Variants in HTATSF1 observed in about 807,000 individuals in gnomAD.
The protein encoded by HTATSF1 is 17S U2 SnRNP complex component HTATSF1.
HTATSF1 carries 6 observed loss-of-function variants against 46.1 expected under a neutral mutation model. The observed-to-expected ratio is 0.13, with a 90% CI of 0.07 to 0.26. The LOEUF (loss-of-function observed/expected upper bound fraction) is 0.26, where lower values mean the gene tolerates loss of function less well. Among genes scored for constraint, HTATSF1 ranks in the 10% least tolerant of loss-of-function variants. The pLI is 1.00. For synonymous variants in HTATSF1, 226 were observed against 211.5 expected (o/e 1.07, Z -0.60); for missense variants, 452 against 559.9 (o/e 0.81, Z 1.94).
intron 4 of HTATSF1, among the ~76,000 whole-genome samples, chrX:136,501,045 G>A (rs930040479): frequency 1.8e-5 from 2 of 112,290 alleles, no homozygotes; most frequent in African/African-American, 6.5e-5. Context: ...CGACTGGAGT[G>A]CTTCTTCTGT....
chrX:136,510,709 C>G, intron 8 of HTATSF1, 99 bp from the exon 9 acceptor site: 1 of 912,461 alleles, frequency 1.1e-6, no homozygotes, highest in Non-Finnish European at 1.5e-6. Context: ...ATAAGAGATG[C>G]TTTATAAAAT....
chrX:136,497,295 G>C (rs868164405), upstream of HTATSF1: 2,414 of 113,071 alleles, frequency 0.021, 113 homozygotes, highest in Admixed American at 0.16. Flanking sequence ...TAGTTTAGAA[G>C]TAATTTCCTG....
intron 6 of HTATSF1, 130 bp from the exon 7 acceptor site, chrX:136,508,961 A>G (rs1285743902): frequency 6.2e-6 from 3 of 482,235 alleles, no homozygotes; most frequent in East Asian, 3.7e-5. Context: ...AAAAAATTGT[A>G]TAGAATGAAA....
In HTATSF1 at chrX:136,500,836, A is replaced by C; in HGVS notation, c.570+18A>C. 9.4e-7 allele frequency: 1 copy of C among 1,062,036 alleles called. No homozygotes were observed. The highest frequency in any genetic ancestry group is 1.2e-6 in the Non-Finnish European group (1 of 808,843). The allele number at this position is 1,062,036 out of a possible 1,213,427, so 87.5% of individuals were successfully genotyped here. On this transcript the variant is annotated intron_variant, in intron 4 of 8. Coordinates refer to ENST00000218364, the MANE Select transcript of HTATSF1 (RefSeq NM_014500.5). ...ATTTGAAAGTAAGTTGTATGATCAA[A>C]TAAGTTTCTTGTATCTTCGTTTTTA...
intron 5 of HTATSF1, among the ~76,000 whole-genome samples, chrX:136,504,027 C>T (rs1255179325): frequency 3.6e-5 from 4 of 110,740 alleles, no homozygotes; most frequent in African/African-American, 9.9e-5. Context: ...TGCACCACCA[C>T]GCCTGGCTGA....
At chrX:136,498,779 T>A (rs1190533100) in intron 1 of HTATSF1, among the ~76,000 whole-genome samples, 1 of 112,912 alleles carries the variant, frequency 8.9e-6, no homozygotes, top group East Asian at 2.7e-4. Flanking sequence ...TTCAGCATTC[T>A]GAATACTTTT....
chrX:136,501,294 G>A (rs1387375200), intron 4 of HTATSF1, among the ~76,000 whole-genome samples: 1 of 112,490 alleles, frequency 8.9e-6, no homozygotes, highest in Non-Finnish European at 1.9e-5. Context: ...TGATAGGGTT[G>A]AGTGGTTGCA....
rs188167229 is a variant in HTATSF1, at chrX:136,511,427, C to T, written c.1682C>T (p.Ser561Phe). The T allele has an allele frequency of 5.0e-6, 6 of 1,208,864 alleles. No individual in the cohort carries two copies. In the African/African-American group the frequency reaches 8.8e-5, roughly 18 times the overall value. Residue 561 changes from serine to phenylalanine, a missense_variant, in exon 9 of 9, where the codon TCC (serine) becomes TTC (phenylalanine). Ser to Phe is a radical substitution (Grantham distance 155). Transcript: ENST00000218364. ...DCSEKQSEDG[S>F]EREFEENGLE... ...TCTGAAAAACAGTCTGAAGATGGCT[C>T]CGAAAGAGAATTTGAAGAAAATGGT...
Position 136,512,325 on chromosome X carries a change from G to C in HTATSF1, c.*312G>C, listed in dbSNP as rs1220392766. 3 of 184,287 alleles carry C rather than the reference G, an allele frequency of 1.6e-5. No individual in the cohort carries two copies. The highest frequency in any genetic ancestry group is 9.1e-5 in the African/African-American group (3 of 32,789). 15.2% of individuals were successfully genotyped at this position (184,287 alleles called of 1,213,427 possible). ...TGATATTCATCAATAAAAATGAGTT[G>C]ATAATATGCAGAAACTGAAAATTGG... On this transcript the variant is annotated 3_prime_UTR_variant, in exon 9 of 9. Transcript: ENST00000218364.
chrX:136,497,552 C>T, upstream of HTATSF1: 1 of 453,988 alleles, frequency 2.2e-6, no homozygotes, highest in Non-Finnish European at 3.5e-6. Flanking sequence ...ACTGCTGGGG[C>T]GCAGCGGGGA....
chrX:136,505,471 G>A (rs1240159602), intron 6 of HTATSF1, among the ~76,000 whole-genome samples: 2 of 111,978 alleles, frequency 1.8e-5, no homozygotes, highest in Non-Finnish European at 3.8e-5. Flanking sequence ...GAGATTGATT[G>A]ATATCTCTTC....
At chrX:136,498,950 C>T (rs1226227123) in intron 1 of HTATSF1, among the ~76,000 whole-genome samples, 4 of 113,075 alleles carry the variant, frequency 3.5e-5, no homozygotes, top group Non-Finnish European at 7.5e-5. Flanking sequence ...TGCAATAACG[C>T]TTTTCCCCCA....
Position 136,510,891 on chromosome X carries a change from T to C in HTATSF1, c.1146T>C (p.Leu382=). ...FLNAPEANRG[L]RRSDSVSASE... Reference sequence around the variant, plus strand: ...ATGCTCCTGAGGCCAACAGAGGCCTTAGGCGTTCAGATTCTGTCTCTGCTT... The same window carrying C: ...ATGCTCCTGAGGCCAACAGAGGCCTCAGGCGTTCAGATTCTGTCTCTGCTT... The change falls in exon 9 of 9, where the codon CTT becomes CTC. Residue 382 remains leucine (L), a synonymous_variant. Transcript: ENST00000218364. 1 of 1,210,545 alleles carries C rather than the reference T, an allele frequency of 8.3e-7. No individual in the cohort carries two copies. The highest frequency in any genetic ancestry group is 1.1e-6 in the Non-Finnish European group (1 of 894,512).
chrX:136,500,568 C>T, intron 3 of HTATSF1, 96 bp from the exon 4 acceptor site: 2 of 550,438 alleles, frequency 3.6e-6, no homozygotes, highest in Admixed American at 3.9e-5. Context: ...ATCAACATTG[C>T]ATTCACCTAA....
intron 2 of HTATSF1, 132 bp downstream of exon 2, chrX:136,499,910 G>A: frequency 1.9e-6 from 1 of 520,392 alleles, no homozygotes; most frequent in East Asian, 3.9e-5. Flanking sequence ...GGTAGTGTCA[G>A]TTATAAAGAA....
In HTATSF1 at chrX:136,497,642, C is replaced by G; in HGVS notation, c.-43C>G. ...TGCTCAGCTCCAGCGTCATTTCGGC[C>G]TCTTAGTTCTTCTGAACCCTGCTCC... On this transcript the variant is annotated 5_prime_UTR_variant, in exon 1 of 9. Transcript: ENST00000218364. 1 of 1,100,144 alleles carries G rather than the reference C, an allele frequency of 9.1e-7. No individual in the cohort carries two copies. The highest frequency in any genetic ancestry group is 2.2e-5 in the South Asian group (1 of 45,792). The allele number at this position is 1,100,144 out of a possible 1,213,427, so 90.7% of individuals were successfully genotyped here.
At chrX:136,506,624 G>T (rs1294221605) in intron 6 of HTATSF1, among the ~76,000 whole-genome samples, 2 of 112,773 alleles carry the variant, frequency 1.8e-5, no homozygotes, top group Non-Finnish European at 3.7e-5. Context: ...CTTTGCAAAT[G>T]AAAGCAAATT....
rs755717462 is a variant in HTATSF1, at chrX:136,507,747, T to C, written c.835-1344T>C. ...TAAAAGAGAGGTATTAGAAACAGTT[T>C]ATCAAATTCTTAAAAAGATTTTCTT... On this transcript the variant is annotated intron_variant, in intron 6 of 8. Transcript: ENST00000218364. Among the ~76,000 whole-genome samples the C allele has an allele frequency of 7.2e-5, 8 of 111,362 alleles. 1 individual carries two copies. The South Asian group carries it at 3.0e-3, about 42-fold the overall frequency.
upstream of HTATSF1, chrX:136,497,521 A>G (rs1456049935): frequency 1.3e-5 from 4 of 313,279 alleles, no homozygotes; most frequent in East Asian, 2.0e-4. Flanking sequence ...GCAGCCGCCG[A>G]GCGGCCGCGA....
Sources: gnomAD v4.1 joint callset for allele counts (sites outside exome capture counted in the v4.1 genomes callset) on GRCh38, gnomAD v4.1.1 for gene constraint, MANE v1.5 for transcripts, NCBI Gene and HGNC (gene_info 2026-07-23, HGNC 2026-07-21) for gene names.